RALGPS1: variants seen among roughly 807,000 people sequenced by gnomAD.
RALGPS1 encodes the protein ras-specific guanine nucleotide-releasing factor RalGPS1.
RALGPS1 carries 19 observed loss-of-function variants against 78.8 expected under a neutral mutation model. The ratio of observed to expected loss-of-function variants is 0.24; its 90% CI spans 0.17 to 0.35. The LOEUF is 0.35. Ranked by LOEUF, RALGPS1 falls within the 10% of genes least tolerant of loss-of-function variation. The pLI is 1.00. For missense variants in RALGPS1, 454 were observed against 688.3 expected (o/e 0.66, Z 3.81); for synonymous variants, 228 against 256.3 (o/e 0.89, Z 1.06).
chr9:127,131,083 A>G (rs2056973507), intron 8 of RALGPS1, among the ~76,000 whole-genome samples: 1 of 152,348 alleles, frequency 6.6e-6, no homozygotes, highest in African/African-American at 2.4e-5. Flanking sequence ...TTGGTGACTC[A>G]GTCGTCTTGA....
intron 4 of RALGPS1, chr9:126,989,745 C>A (rs1205959767): frequency 4.1e-6 from 5 of 1,207,868 alleles, no homozygotes; most frequent in Non-Finnish European, 5.6e-6. Flanking sequence ...TGTTTTGGGA[C>A]AAAGGAGGCA....
intron 4 of RALGPS1, among the ~76,000 whole-genome samples, chr9:127,029,672 G>A (rs757625645): frequency 1.1e-4 from 17 of 152,258 alleles, no homozygotes; most frequent in Non-Finnish European, 2.4e-4. Flanking sequence ...ACACGTGGAA[G>A]GGCCATGTGC....
At chr9:127,157,481 C>T (rs1217990226) in intron 8 of RALGPS1, among the ~76,000 whole-genome samples, 2 of 151,930 alleles carry the variant, frequency 1.3e-5, no homozygotes, top group Non-Finnish European at 2.9e-5. Flanking sequence ...TTAGTAGGCC[C>T]AGGATATGTG....
At chr9:126,995,618 T>A (rs1474423972) in intron 4 of RALGPS1, among the ~76,000 whole-genome samples, 1 of 152,002 alleles carries the variant, frequency 6.6e-6, no homozygotes, top group Non-Finnish European at 1.5e-5. Flanking sequence ...ATTAGACAGA[T>A]CAACGAGACA....
intron 8 of RALGPS1, among the ~76,000 whole-genome samples, chr9:127,089,914 G>C (rs118152407): frequency 0.01 from 1,567 of 152,312 alleles, 48 homozygotes; most frequent in Non-Finnish European, 0.015. Context: ...GACTGGGCCT[G>C]GCAAGGGGAC....
intron 11 of RALGPS1, chr9:127,184,090 C>T: frequency 6.6e-7 from 1 of 1,524,348 alleles, no homozygotes; most frequent in Non-Finnish European, 8.8e-7. Context: ...CTTTGGGAAG[C>T]CGAAGCAGGA....
chr9:127,041,031 T>TTGTGTTTGTGTGTG (rs2047254869), intron 5 of RALGPS1, among the ~76,000 whole-genome samples: 1 of 135,718 alleles, frequency 7.4e-6, no homozygotes, highest in Admixed American at 7.4e-5. Context: ...CTACAAACAT[T>TTGTGTTTGTGTGTG]TGTGTGTGTG....
rs1184734808 is a variant in RALGPS1 at position 127,211,760 on chromosome 9, G to T, written c.1248-371G>T. Among the ~76,000 whole-genome samples the T allele has an allele frequency of 6.6e-6, 1 of 152,172 alleles. No homozygotes were observed. Among genetic ancestry groups the T allele is most frequent in the Non-Finnish European group, 1.5e-5 (1 of 68,022 alleles). ...AACACCAGAAGGAGGGGCTGCTGGA[G>T]CTGGGGCTTCACAGGCACCAGCTCC... is the stretch of plus-strand genomic sequence containing the variant. On this transcript the variant is annotated intron_variant, in intron 14 of 18. Coordinates refer to ENST00000259351, the MANE Select transcript of RALGPS1 (RefSeq NM_014636.3). The surrounding 1 kb of genome is among the most constrained non-coding windows in gnomAD (Gnocchi z 5.0).
rs766947491 is a variant in RALGPS1 at position 127,212,634 on chromosome 9, C to T, written c.1361C>T (p.Ser454Leu). Residue 454 changes from serine to leucine, a missense_variant, in exon 16 of 19, where the codon TCG becomes TTG. By Grantham distance (145) the Ser-to-Leu change is moderately radical. Transcript: ENST00000259351. This position sits in a 1 kb window ranked among gnomAD's most constrained non-coding sequence, Gnocchi z 6.0. Reference sequence around the variant, plus strand: ...CCTCCCCTTCCTCTGTAGCTGTCCTCGTGGACCAGGTACTGGGTCATACTC... The same window carrying T: ...CCTCCCCTTCCTCTGTAGCTGTCCTTGTGGACCAGGTACTGGGTCATACTC... ...LKEGRKPALS[S>L]WTRYWVILSG... 6.2e-6 allele frequency: 10 copies of T among 1,609,682 alleles called. No homozygotes were observed. The highest frequency in any genetic ancestry group is 8.5e-6 in the Non-Finnish European group (10 of 1,177,296).
chr9:127,170,374 A>G (rs1188153798), intron 10 of RALGPS1, among the ~76,000 whole-genome samples: 1 of 152,200 alleles, frequency 6.6e-6, no homozygotes, highest in Non-Finnish European at 1.5e-5. Context: ...AGGTGGTGCT[A>G]ATGATCTTTT....
chr9:127,124,064 C>T (rs941201425), intron 8 of RALGPS1, among the ~76,000 whole-genome samples: 14 of 152,210 alleles, frequency 9.2e-5, no homozygotes, highest in African/African-American at 3.1e-4. Flanking sequence ...GTGGCAGATT[C>T]CTCTTTCAGA....
chr9:126,979,239 TTATGTG>T (rs768586766), intron 4 of RALGPS1, among the ~76,000 whole-genome samples: 6 of 92,188 alleles, frequency 6.5e-5, no homozygotes, highest in East Asian at 4.1e-4. Flanking sequence ...TATTGTATTA[TTATGTG>T]TGTGTGTGTG....
chr9:126,998,754 A>T (rs1423358912), intron 4 of RALGPS1, among the ~76,000 whole-genome samples: 2 of 152,048 alleles, frequency 1.3e-5, no homozygotes, highest in African/African-American at 4.8e-5. Context: ...AATAGCGAAG[A>T]CTTGGAACCA....
At chr9:126,999,749 A>G (rs1215819830) in intron 4 of RALGPS1, among the ~76,000 whole-genome samples, 2 of 152,232 alleles carry the variant, frequency 1.3e-5, no homozygotes, top group Non-Finnish European at 2.9e-5. Flanking sequence ...GATTGCTTCA[A>G]AGTTTCGGCA....
intron 14 of RALGPS1, among the ~76,000 whole-genome samples, chr9:127,199,782 C>A (rs1006424707): frequency 6.6e-6 from 1 of 152,200 alleles, no homozygotes; most frequent in African/African-American, 2.4e-5. Flanking sequence ...ATGGCACCAC[C>A]AGGGGTGAAG....
intron 1 of RALGPS1, among the ~76,000 whole-genome samples, chr9:126,931,952 G>A (rs1023434202): frequency 1.3e-5 from 2 of 151,048 alleles, no homozygotes; most frequent in Non-Finnish European, 2.9e-5. Flanking sequence ...GAGGAGCAAT[G>A]TGTTGGGATT....
At chr9:127,022,019 T>A (rs1004799202) in intron 4 of RALGPS1, among the ~76,000 whole-genome samples, 1 of 152,134 alleles carries the variant, frequency 6.6e-6, no homozygotes, top group African/African-American at 2.4e-5. Flanking sequence ...GAGGATTTGA[T>A]GAAACAGTAG....
chr9:126,973,636 AT>A (rs1250210741), intron 3 of RALGPS1, among the ~76,000 whole-genome samples: 2 of 152,076 alleles, frequency 1.3e-5, no homozygotes, highest in Non-Finnish European at 2.9e-5. Flanking sequence ...CTATCTTAAC[AT>A]TTTTCAGTGT....
At chr9:127,118,115 C>T (rs1387969607) in intron 8 of RALGPS1, among the ~76,000 whole-genome samples, 1 of 152,104 alleles carries the variant, frequency 6.6e-6, no homozygotes, top group African/African-American at 2.4e-5. Context: ...AGTGCAGTGG[C>T]GCGATCTCAG....
Sources: allele counts gnomAD v4.1 joint callset (sites outside exome capture counted in the v4.1 genomes callset), GRCh38; gene constraint gnomAD v4.1.1; non-coding constraint Gnocchi (gnomAD v3.1); transcripts MANE v1.5; gene names NCBI Gene and HGNC (gene_info 2026-07-23, HGNC 2026-07-21).